OSBPL1A: variants seen among roughly 807,000 people sequenced by gnomAD.
OSBPL1A encodes oxysterol binding protein like 1A, also known as oxysterol-binding protein-related protein 1.
OSBPL1A carries 80 observed loss-of-function variants against 137.1 expected under a neutral mutation model. That is an observed-to-expected ratio of 0.58 (90% CI 0.49 to 0.70). The LOEUF is 0.70. OSBPL1A is among the 30% of genes least tolerant of loss of function. OSBPL1A has a pLI of 0.00. For synonymous variants in OSBPL1A, 365 were observed against 389.7 expected, an observed-to-expected ratio of 0.94 and a Z score of 0.75; for missense variants, 970 against 1,129.4, an observed-to-expected ratio of 0.86 and a Z score of 2.02.
intron 2 of OSBPL1A, among the ~76,000 whole-genome samples, chr18:24,376,724 C>A (rs1257486065): frequency 6.6e-6 from 1 of 152,228 alleles, no homozygotes. Context: ...AGCCCTGCCC[C>A]GCAGGAAGGC....
At position 24,390,874 on chromosome 18, in the gene OSBPL1A, C is replaced by T. The variant is rs553740640; in HGVS notation, c.-3+6781G>A. On this transcript the variant is annotated intron_variant, in intron 1 of 27. Coordinates refer to ENST00000319481, the MANE Select transcript of OSBPL1A (RefSeq NM_080597.4). ...CGGCACTTTGGGAAGTTGAGGTGGG[C>T]GGATCACCTAAGGTCAGGAGCTCGA... Among the ~76,000 whole-genome samples, 74 of 151,368 alleles carry T rather than the reference C, an allele frequency of 4.9e-4. 1 individual carries two copies. Among genetic ancestry groups the T allele is most frequent in the Admixed American group, 1.3e-4 (2 of 15,172 alleles).
intron 2 of OSBPL1A, among the ~76,000 whole-genome samples, chr18:24,374,667 G>A (rs1422061562): frequency 6.6e-6 from 1 of 152,190 alleles, no homozygotes; most frequent in African/African-American, 2.4e-5. Flanking sequence ...GAAGGGAACA[G>A]GAGTGTGTCT....
In OSBPL1A at chr18:24,375,434, C is replaced by A. The variant is rs187822143; in HGVS notation, c.121+1979G>T. Reference sequence around the variant, plus strand: ...CAATACCAGAGCCATTTTGAGAACACGTTTTATTTCTCTGCACATTTGATG... The same window carrying A: ...CAATACCAGAGCCATTTTGAGAACAAGTTTTATTTCTCTGCACATTTGATG... On this transcript the variant is annotated intron_variant, in intron 2 of 27. Coordinates refer to ENST00000319481, the MANE Select transcript of OSBPL1A (RefSeq NM_080597.4). Among the ~76,000 whole-genome samples the A allele has an allele frequency of 4.8e-3, 732 of 151,296 alleles. 5 individuals carry two copies. The highest frequency in any genetic ancestry group is 0.017 in the African/African-American group (716 of 41,228).
chr18:24,385,197 G>A (rs112196834), intron 1 of OSBPL1A, among the ~76,000 whole-genome samples: 15,595 of 151,796 alleles, frequency 0.1, 859 homozygotes, highest in African/African-American at 0.13. Context: ...CTCATGATCC[G>A]CCCGCCCCGG....
intron 15 of OSBPL1A, among the ~76,000 whole-genome samples, chr18:24,250,422 C>A (rs556549280): frequency 5.9e-5 from 9 of 152,158 alleles, no homozygotes; most frequent in Non-Finnish European, 1.2e-4. Flanking sequence ...GTGATCCACC[C>A]GCCTCAGCCT....
At chr18:24,342,642 TTAAA>T (rs1414371975) in intron 4 of OSBPL1A, among the ~76,000 whole-genome samples, 3 of 152,182 alleles carry the variant, frequency 2.0e-5, no homozygotes, top group Non-Finnish European at 4.4e-5. Context: ...CAAAAAATGC[TTAAA>T]TAAAATCTAA....
intron 15 of OSBPL1A, among the ~76,000 whole-genome samples, chr18:24,276,005 G>C (rs2089838425): frequency 6.6e-6 from 1 of 152,116 alleles, no homozygotes; most frequent in Admixed American, 6.5e-5. Context: ...TGGGATTACA[G>C]GCATGAGCCA....
At position 24,163,406 on chromosome 18, in the gene OSBPL1A, G is replaced by A. The variant is rs921398566; in HGVS notation, c.2751-125C>T. 3.7e-5 allele frequency: 24 copies of A among 646,466 alleles called. No homozygotes were observed. The African/African-American group carries it at 3.9e-4, about 11-fold the overall frequency. 40.0% of individuals were successfully genotyped at this position (646,466 alleles called of 1,614,324 possible). Reference sequence around the variant, plus strand: ...TCTGTGAGTGAGGGATAGTTCTAAAGAGATGCTGAAGTGATGCTGTATTTC... The same window carrying A: ...TCTGTGAGTGAGGGATAGTTCTAAAAAGATGCTGAAGTGATGCTGTATTTC... On this transcript the variant is annotated intron_variant, in intron 27 of 27. Transcript: ENST00000319481.
At chr18:24,362,150 T>C (rs1487384722) in intron 4 of OSBPL1A, among the ~76,000 whole-genome samples, 4 of 152,128 alleles carry the variant, frequency 2.6e-5, no homozygotes, top group Non-Finnish European at 5.9e-5. Flanking sequence ...GGATATTACA[T>C]TTGAGTAGCA....
At chr18:24,212,667 T>C (rs2087580854) in intron 17 of OSBPL1A, among the ~76,000 whole-genome samples, 1 of 152,324 alleles carries the variant, frequency 6.6e-6, no homozygotes, top group South Asian at 2.1e-4. Context: ...GGAAAATGTT[T>C]GCCCTCCAAA....
intron 17 of OSBPL1A, among the ~76,000 whole-genome samples, chr18:24,219,195 GGT>G (rs2087807959): frequency 6.6e-6 from 1 of 152,120 alleles, no homozygotes; most frequent in Non-Finnish European, 1.5e-5. Context: ...AAGAGGCTGA[GGT>G]GGGAGGATCA....
chr18:24,313,873 G>A (rs1043333702), intron 12 of OSBPL1A, among the ~76,000 whole-genome samples: 10 of 152,180 alleles, frequency 6.6e-5, no homozygotes, highest in South Asian at 2.1e-4. Flanking sequence ...AGGCCAAGGC[G>A]GGCAGATCGC....
intron 4 of OSBPL1A, among the ~76,000 whole-genome samples, chr18:24,360,493 T>C (rs753548482): frequency 3.3e-5 from 5 of 152,210 alleles, no homozygotes; most frequent in African/African-American, 4.8e-5. Flanking sequence ...TGCTTAGATA[T>C]TGAGCACATA....
At chr18:24,179,955 T>C in intron 19 of OSBPL1A, 120 bp from the exon 20 acceptor site, 1 of 770,310 alleles carries the variant, frequency 1.3e-6, no homozygotes, top group East Asian at 2.7e-5. Flanking sequence ...TTTCATTACT[T>C]TGGAGTTTTA....
intron 16 of OSBPL1A, among the ~76,000 whole-genome samples, chr18:24,237,555 T>C (rs1424874941): frequency 6.6e-6 from 1 of 152,204 alleles, no homozygotes; most frequent in Non-Finnish European, 1.5e-5. Flanking sequence ...TCCTCCTGCC[T>C]TGGCCTCCCA....
At chr18:24,221,805 C>G (rs1599517550) in intron 17 of OSBPL1A, among the ~76,000 whole-genome samples, 1 of 152,080 alleles carries the variant, frequency 6.6e-6, no homozygotes, top group Non-Finnish European at 1.5e-5. Flanking sequence ...ATTATTACAC[C>G]CTTTTTTTCC....
intron 14 of OSBPL1A, chr18:24,302,784 T>C (rs1166423778): frequency 6.6e-6 from 1 of 152,140 alleles, no homozygotes; most frequent in Non-Finnish European, 1.5e-5. Flanking sequence ...TAAAAAGTTA[T>C]TACTGAAAGG....
At chr18:24,293,586 C>T (rs1181404114) in intron 14 of OSBPL1A, among the ~76,000 whole-genome samples, 1 of 152,088 alleles carries the variant, frequency 6.6e-6, no homozygotes, top group East Asian at 1.9e-4. Context: ...TGAAGAAAGA[C>T]CTAGGGAAGG....
Position 24,271,561 on chromosome 18 carries a change from G to A in OSBPL1A, c.1281+9281C>T, listed in dbSNP as rs1292510965. ...GCCGCCCTCCCCGCTCCGTCCCCCG[G>A]CGTCCTCCGTGGCCCCAGGCTGCCC... On this transcript the variant is annotated intron_variant, in intron 15 of 27. Transcript: ENST00000319481. The surrounding 1 kb of genome is among the most constrained non-coding windows in gnomAD (Gnocchi z 4.0). 15 of 987,262 alleles carry A rather than the reference G, an allele frequency of 1.5e-5. No homozygotes were observed. Among genetic ancestry groups the A allele is most frequent in the Non-Finnish European group, 1.8e-5 (15 of 831,470 alleles). The allele number at this position is 987,262 out of a possible 1,614,324, so 61.2% of individuals were successfully genotyped here.
Sources: gnomAD v4.1 joint callset for allele counts (sites outside exome capture counted in the v4.1 genomes callset) on GRCh38, gnomAD v4.1.1 for gene constraint, Gnocchi (gnomAD v3.1) non-coding constraint, MANE v1.5 for transcripts, NCBI Gene and HGNC (gene_info 2026-07-23, HGNC 2026-07-21) for gene names.